SOX6: variants seen among roughly 807,000 people sequenced by gnomAD.
The protein encoded by SOX6 is SRY-box transcription factor 6, also known as transcription factor SOX-6.
In SOX6, 11 loss-of-function variants were observed where a neutral mutation model predicts 97.8. The observed-to-expected ratio is 0.11, with a 90% CI of 0.07 to 0.19. SOX6 has a LOEUF of 0.19. SOX6 is among the 10% of genes least tolerant of loss of function. The pLI is 1.00. For missense variants in SOX6, 810 were observed against 1,039.5 expected (o/e 0.78, Z 3.04); for synonymous variants, 360 against 371.4 (o/e 0.97, Z 0.35).
chr11:16,575,658 C>T (rs928683277), intron 4 of SOX6, among the ~76,000 whole-genome samples: 10 of 151,874 alleles, frequency 6.6e-5, no homozygotes, highest in Admixed American at 2.0e-4. Flanking sequence ...TGCATAAAAA[C>T]GGGCAAAATC....
At chr11:16,035,395 T>C (rs558940810) in intron 12 of SOX6, among the ~76,000 whole-genome samples, 3 of 152,320 alleles carry the variant, frequency 2.0e-5, no homozygotes, top group South Asian at 4.1e-4. Flanking sequence ...TCTTAGGATG[T>C]TTGCTAGAAT....
chr11:15,975,675 T>C (rs894654858), intron 15 of SOX6, among the ~76,000 whole-genome samples: 4 of 152,150 alleles, frequency 2.6e-5, no homozygotes, highest in African/African-American at 9.7e-5. Flanking sequence ...TCATTTTCCC[T>C]CTTTTACACA....
At chr11:16,036,480 CAAAG>C (rs1486121609) in intron 12 of SOX6, among the ~76,000 whole-genome samples, 1 of 152,072 alleles carries the variant, frequency 6.6e-6, no homozygotes, top group African/African-American at 2.4e-5. Flanking sequence ...ACTACAAAAA[CAAAG>C]AAGTTCATAT....
chr11:16,238,429 T>C (rs917483931), intron 3 of SOX6, among the ~76,000 whole-genome samples: 1 of 152,102 alleles, frequency 6.6e-6, no homozygotes, highest in Non-Finnish European at 1.5e-5. Flanking sequence ...AAGAATGCTT[T>C]ATCACAGCTG....
chr11:16,002,629 T>C (rs918786183), intron 13 of SOX6, among the ~76,000 whole-genome samples: 3 of 152,142 alleles, frequency 2.0e-5, no homozygotes, highest in Non-Finnish European at 2.9e-5. Flanking sequence ...TCATTTAAGT[T>C]TGAACCAGAG....
intron 7 of SOX6, among the ~76,000 whole-genome samples, chr11:16,106,330 T>G (rs1849083019): frequency 6.7e-6 from 1 of 148,314 alleles, no homozygotes; most frequent in Non-Finnish European, 1.5e-5. Context: ...AGGATGGTAC[T>G]GGCATAAGGA....
chr11:16,641,832 C>G (rs891423962), intron 3 of SOX6, among the ~76,000 whole-genome samples: 5 of 152,198 alleles, frequency 3.3e-5, no homozygotes, highest in Admixed American at 6.5e-5. Context: ...CTGAATACAG[C>G]ACACTGATGG....
At chr11:16,196,991 G>A (rs1405409855) in intron 4 of SOX6, among the ~76,000 whole-genome samples, 22 of 151,730 alleles carry the variant, frequency 1.4e-4, no homozygotes, top group African/African-American at 3.6e-4. Context: ...CTGCCACCAC[G>A]CCTGGCTAAT....
intron 11 of SOX6, among the ~76,000 whole-genome samples, chr11:16,046,927 T>C (rs1276559958): frequency 6.6e-6 from 1 of 152,170 alleles, no homozygotes; most frequent in Non-Finnish European, 1.5e-5. Flanking sequence ...CCAGCCTACC[T>C]GGATTCTGTC....
At chr11:16,057,756 TTGAC>T (rs2133923742) in intron 9 of SOX6, among the ~76,000 whole-genome samples, 1 of 152,288 alleles carries the variant, frequency 6.6e-6, no homozygotes, top group South Asian at 2.1e-4. Flanking sequence ...TAGTTGTAGT[TTGAC>T]TGGTATAGAA....
intron 4 of SOX6, among the ~76,000 whole-genome samples, chr11:16,557,674 T>A (rs959216831): frequency 1.3e-5 from 2 of 151,912 alleles, no homozygotes; most frequent in Non-Finnish European, 2.9e-5. Context: ...GTTAACTTTA[T>A]AATTATAAAT....
At chr11:16,151,772 G>A (rs754088834) in intron 6 of SOX6, among the ~76,000 whole-genome samples, 88 of 152,136 alleles carry the variant, frequency 5.8e-4, no homozygotes, top group Middle Eastern at 3.4e-3. Context: ...TAGGCCCAGT[G>A]GCAGTTATCT....
chr11:16,551,506 C>T (rs1847685930), intron 4 of SOX6, among the ~76,000 whole-genome samples: 1 of 152,126 alleles, frequency 6.6e-6, no homozygotes, highest in Admixed American at 6.6e-5. Flanking sequence ...AATAGATTCA[C>T]AGCATGTGAC....
At chr11:16,010,915 C>G (rs992011360) in intron 13 of SOX6, among the ~76,000 whole-genome samples, 1 of 151,928 alleles carries the variant, frequency 6.6e-6, no homozygotes, top group Non-Finnish European at 1.5e-5. Flanking sequence ...AGTGTTTTAT[C>G]AAGATTCTAA....
At chr11:16,604,354 T>C (rs889781644) in intron 4 of SOX6, among the ~76,000 whole-genome samples, 2 of 152,208 alleles carry the variant, frequency 1.3e-5, no homozygotes, top group Non-Finnish European at 2.9e-5. Flanking sequence ...TGGGCGGGGC[T>C]GTGTCTGTTC....
intron 4 of SOX6, among the ~76,000 whole-genome samples, chr11:16,504,770 T>C (rs1367834354): frequency 6.6e-6 from 1 of 152,006 alleles, no homozygotes; most frequent in Non-Finnish European, 1.5e-5. Flanking sequence ...GATGTCCCCA[T>C]GCTGTTCTTG....
At chr11:16,249,081 A>G (rs370784599) in intron 3 of SOX6, among the ~76,000 whole-genome samples, 6 of 147,776 alleles carry the variant, frequency 4.1e-5, no homozygotes, top group South Asian at 2.2e-4. Flanking sequence ...AGCTTCGGCA[A>G]CAGAGGCTCT....
At chr11:16,422,107 C>T (rs1045458582) in intron 1 of SOX6, among the ~76,000 whole-genome samples, 9 of 151,786 alleles carry the variant, frequency 5.9e-5, no homozygotes, top group African/African-American at 1.5e-4. Context: ...TAAGGACATA[C>T]GAAAAAAATA....
intron 1 of SOX6, among the ~76,000 whole-genome samples, chr11:16,447,453 C>CTCTCTCTTTCTT (rs5789955): frequency 8.0e-5 from 12 of 150,896 alleles, no homozygotes; most frequent in Admixed American, 2.6e-4. Context: ...TTCTCTCTCT[C>CTCTCTCTTTCTT]TCTTTCTTTC....
Sources: allele counts gnomAD v4.1 joint callset (sites outside exome capture counted in the v4.1 genomes callset), GRCh38; gene constraint gnomAD v4.1.1; transcripts MANE v1.5; gene names NCBI Gene and HGNC (gene_info 2026-07-23, HGNC 2026-07-21).